The following DOCK1 variants were observed in gnomAD, a reference collection of about 807,000 sequenced individuals.
DOCK1 encodes the protein dedicator of cytokinesis 1.
In DOCK1, 138 loss-of-function variants were observed where a neutral mutation model predicts 262.7. That is an observed-to-expected ratio of 0.53 (90% CI 0.46 to 0.61). The LOEUF (loss-of-function observed/expected upper bound fraction) is 0.61. Among genes scored for constraint, DOCK1 ranks in the 20% least tolerant of loss-of-function variants. The pLI, the probability that DOCK1 is intolerant of heterozygous loss-of-function variation, is 0.00. For missense variants in DOCK1, 1,908 were observed against 2,370.7 expected (o/e 0.80, Z 4.05); for synonymous variants, 866 against 867.4 (o/e 1.00, Z 0.03).
chr10:127,096,647 C>T (rs2047927588), intron 23 of DOCK1, among the ~76,000 whole-genome samples: 1 of 151,610 alleles, frequency 6.6e-6, no homozygotes, highest in African/African-American at 2.4e-5. Flanking sequence ...TCTAAAATAG[C>T]ATCTATTAAT....
intron 11 of DOCK1, among the ~76,000 whole-genome samples, chr10:127,009,412 C>A (rs922870835): frequency 6.6e-6 from 1 of 152,008 alleles, no homozygotes; most frequent in Non-Finnish European, 1.5e-5. Context: ...TGGGTAGAAC[C>A]CAGGGAACTG....
intron 51 of DOCK1, 139 bp downstream of exon 51, chr10:127,447,684 G>T (rs2070675566): frequency 7.3e-7 from 1 of 1,371,466 alleles, no homozygotes; most frequent in Non-Finnish European, 9.7e-7. Flanking sequence ...GCCCGGGTTT[G>T]ATTTTGCAAA....
intron 48 of DOCK1, 72 bp from the exon 49 acceptor site, chr10:127,438,955 G>T (rs1042973152): frequency 9.0e-5 from 127 of 1,414,808 alleles, no homozygotes; most frequent in Non-Finnish European, 1.2e-4. Flanking sequence ...TGGATTGTGA[G>T]TGACTTTACA....
chr10:126,970,720 C>A lies in DOCK1; in HGVS notation c.65C>A (p.Ala22Asp). 6.2e-7 allele frequency: 1 copy of A among 1,612,670 alleles called. No individual in the cohort carries two copies. The highest frequency in any genetic ancestry group is 8.5e-7 in the Non-Finnish European group (1 of 1,178,910). Residue 22 changes from alanine (A) to aspartate (D), a missense_variant, in exon 2 of 52, where the codon GCC becomes GAC. Ala to Asp is a moderately radical substitution (Grantham distance 126). This residue lies in a region of DOCK1 where 227 missense variants were observed against 254.1 expected (regional missense o/e 0.89). Transcript: ENST00000623213. ...ATCACAGCTTTTTATAACTATGATG[C>A]CAGAGGAGCGGATGAACTTTCTTTA... Reference protein sequence around the residue: ...KYGVAFYNYDARGADELSLQI... With the variant: ...KYGVAFYNYDDRGADELSLQI...
chr10:127,023,542 C>CTTTT lies in DOCK1; in HGVS notation c.1452+233_1452+236dup, dbSNP rs10652401. Reference sequence around the variant, plus strand: ...GCCTATCTCAGGAGGTCCCTGTGGTCTTTTTTTTTTTTTTTTTTGAGATGG... The same window carrying CTTTT: ...GCCTATCTCAGGAGGTCCCTGTGGTCTTTTTTTTTTTTTTTTTTTTTTGAGATGG... On this transcript the variant is annotated intron_variant, in intron 14 of 51. Transcript: ENST00000623213. Among the ~76,000 whole-genome samples, 183 of 124,346 alleles carry CTTTT rather than the reference C, an allele frequency of 1.5e-3. 6 individuals carry two copies. The highest frequency in any genetic ancestry group is 3.9e-3 in the South Asian group (14 of 3,622). 81.6% of individuals were successfully genotyped at this position (124,346 alleles called of 152,430 possible).
intron 27 of DOCK1, among the ~76,000 whole-genome samples, chr10:127,152,472 C>T (rs911439144): frequency 2.0e-5 from 3 of 152,174 alleles, no homozygotes; most frequent in Admixed American, 6.5e-5. Context: ...TGCAGGGGCC[C>T]CTCCTCCCTT....
At chr10:127,126,679 A>G (rs2049984814) in intron 26 of DOCK1, among the ~76,000 whole-genome samples, 1 of 152,126 alleles carries the variant, frequency 6.6e-6, no homozygotes, top group African/African-American at 2.4e-5. Flanking sequence ...ACATGATGCT[A>G]TTGATCTTCC....
Position 127,257,337 on chromosome 10 carries a change from T to G in DOCK1, c.2952T>G (p.Asp984Glu), listed in dbSNP as rs781679502. The G allele has an allele frequency of 6.3e-7, 1 of 1,589,490 alleles. No individual in the cohort carries two copies. The highest frequency in any genetic ancestry group is 1.1e-5 in the South Asian group (1 of 87,314). Residue 984 changes from aspartate (D) to glutamate (E), a missense_variant and splice_region_variant, in exon 29 of 52, where the codon GAT becomes GAG. Asp to Glu is a conservative substitution (Grantham distance 45). This residue lies in a region of DOCK1 where 518 missense variants were observed against 575.1 expected (regional missense o/e 0.90). Transcript: ENST00000623213. ...TFGKMRTDVV[D>E]FLMETFIMFK... The stretch of plus-strand genomic sequence containing the variant: ...AGTGTTTTGTTTTTTTATTTCAGGA[T>G]TTCCTAATGGAAACATTCATCATGT...
intron 27 of DOCK1, among the ~76,000 whole-genome samples, chr10:127,213,767 G>T (rs564078534): frequency 6.6e-6 from 1 of 152,162 alleles, no homozygotes; most frequent in Admixed American, 6.5e-5. Context: ...GCTGTGTAGC[G>T]CACAAGGGGC....
intron 25 of DOCK1, among the ~76,000 whole-genome samples, chr10:127,111,582 C>T (rs909605629): frequency 1.3e-5 from 2 of 152,130 alleles, no homozygotes; most frequent in African/African-American, 4.8e-5. Flanking sequence ...CTCTAGGGGG[C>T]TTAAGGAAAG....
At chr10:127,121,459 G>GTGTGTGTGTGTGTT (rs1272381080) in intron 25 of DOCK1, among the ~76,000 whole-genome samples, 6 of 151,906 alleles carry the variant, frequency 3.9e-5, no homozygotes, top group East Asian at 1.9e-4. Flanking sequence ...ATGTATATGT[G>GTGTGTGTGTGTGTT]TGTGTGTGTG....
intron 33 of DOCK1, among the ~76,000 whole-genome samples, chr10:127,367,402 G>T (rs759591634): frequency 6.6e-6 from 1 of 152,154 alleles, no homozygotes; most frequent in African/African-American, 2.4e-5. Context: ...GGCGGGATGG[G>T]GTGGCATGGA....
Position 126,963,633 on chromosome 10 carries a change from C to CCTTCCTTCCTTCCTT in DOCK1, c.47-7068_47-7067insTTCCTTCCTTCCTTC, listed in dbSNP as rs1491540313. ...CCCTTCCCTTCCCTTCCCTTCCCTT[C>CCTTCCTTCCTTCCTT]CCTTCCCTCCTTCCTTCCTTCCTTC... On this transcript the variant is annotated intron_variant, in intron 1 of 51. Coordinates refer to ENST00000623213, the MANE Select transcript of DOCK1 (RefSeq NM_001290223.2). 5.0e-3 allele frequency among the ~76,000 whole-genome samples: 331 copies of CCTTCCTTCCTTCCTT among 65,856 alleles called. 8 individuals are homozygous for CCTTCCTTCCTTCCTT. The highest frequency in any genetic ancestry group is 0.025 in the African/African-American group (315 of 12,802). The allele number at this position is 65,856 out of a possible 152,430, so 43.2% of individuals were successfully genotyped here.
intron 1 of DOCK1, among the ~76,000 whole-genome samples, chr10:126,912,880 A>C (rs576979181): frequency 6.6e-6 from 1 of 152,200 alleles, no homozygotes; most frequent in African/African-American, 2.4e-5. Context: ...TGAGGTTAGA[A>C]CACTGACATA....
At chr10:127,372,215 T>C (rs917523802) in intron 33 of DOCK1, among the ~76,000 whole-genome samples, 3 of 152,172 alleles carry the variant, frequency 2.0e-5, no homozygotes, top group African/African-American at 7.2e-5. Context: ...CTTTGGGCAG[T>C]GTGTACTGAT....
chr10:127,049,164 G>A (rs2044542661), intron 21 of DOCK1, among the ~76,000 whole-genome samples: 1 of 152,068 alleles, frequency 6.6e-6, no homozygotes, highest in Admixed American at 6.6e-5. Flanking sequence ...AATTGAGAGG[G>A]AATTAAAAGT....
At chr10:127,109,413 C>T (rs974439747) in intron 24 of DOCK1, among the ~76,000 whole-genome samples, 1 of 152,172 alleles carries the variant, frequency 6.6e-6, no homozygotes, top group African/African-American at 2.4e-5. Context: ...ACGATAAAGT[C>T]ACCTATTGTA....
intron 51 of DOCK1, 89 bp from the exon 52 acceptor site, chr10:127,451,243 C>G: frequency 1.4e-6 from 2 of 1,423,462 alleles, no homozygotes; most frequent in Non-Finnish European, 1.9e-6. Context: ...GGCTGAGTGG[C>G]TGTGCCAGGT....
At chr10:127,305,240 C>G (rs560622525) in intron 29 of DOCK1, among the ~76,000 whole-genome samples, 1 of 151,878 alleles carries the variant, frequency 6.6e-6, no homozygotes, top group African/African-American at 2.4e-5. Context: ...ATTTGAATTA[C>G]GTAATTATAG....
Sources: gnomAD v4.1 joint callset for allele counts (sites outside exome capture counted in the v4.1 genomes callset) on GRCh38, gnomAD v4.1.1 for gene constraint, gnomAD v4.1.1 regional missense constraint, MANE v1.5 for transcripts, NCBI Gene and HGNC (gene_info 2026-07-23, HGNC 2026-07-21) for gene names.